The following TEX36 variants were observed in gnomAD, a reference collection of about 807,000 sequenced individuals.
TEX36 encodes testis-expressed protein 36.
In TEX36, 12 loss-of-function variants were observed where a neutral mutation model predicts 13.6. The observed-to-expected ratio is 0.88, with a 90% CI of 0.56 to 1.43. The LOEUF (loss-of-function observed/expected upper bound fraction) is 1.43, where lower values mean the gene tolerates loss of function less well. Among genes scored for constraint, TEX36 ranks in the 40% most tolerant of loss-of-function variants. The pLI is 0.00. For synonymous variants in TEX36, 93 were observed against 83.0 expected (o/e 1.12, Z -0.65); for missense variants, 224 against 228.3 (o/e 0.98, Z 0.12).
chr10:125,617,718 C>T (rs1267420701), downstream of TEX36, among the ~76,000 whole-genome samples: 1 of 152,164 alleles, frequency 6.6e-6, no homozygotes, highest in African/African-American at 2.4e-5. Context: ...CTGCCCTTAA[C>T]ATTTTTTCCT....
rs1344519622 is a variant in TEX36 at position 125,655,730 on chromosome 10, G to A, written c.*170C>T. On this transcript the variant is annotated 3_prime_UTR_variant, in exon 4 of 4. Transcript: ENST00000368821. ...ATCTGAAAAGTTTATTTACACATGC[G>A]TATGTCATCACAAATTCATTTCACA... The A allele has an allele frequency of 1.9e-5, 25 of 1,320,526 alleles. No homozygotes were observed. The highest frequency in any genetic ancestry group is 2.8e-4 in the Middle Eastern group (1 of 3,520). 81.8% of individuals were successfully genotyped at this position (1,320,526 alleles called of 1,614,324 possible). A position where few individuals can be genotyped will look rare whatever the true frequency, so the allele number is the denominator to read the frequency against.
intron 3 of TEX36, among the ~76,000 whole-genome samples, chr10:125,633,763 C>G (rs1182119242): frequency 1.9e-4 from 29 of 152,134 alleles, no homozygotes; most frequent in Admixed American, 1.9e-3. Context: ...TTTCTAAGCC[C>G]CATCGACATC....
chr10:125,620,130 C>G (rs1414911623), downstream of TEX36, among the ~76,000 whole-genome samples: 1 of 152,084 alleles, frequency 6.6e-6, no homozygotes, highest in Non-Finnish European at 1.5e-5. Flanking sequence ...TTGTCAGTCC[C>G]CTAGGATTTG....
At chr10:125,637,092 A>C (rs1022954194) in intron 3 of TEX36, among the ~76,000 whole-genome samples, 3 of 152,082 alleles carry the variant, frequency 2.0e-5, no homozygotes, top group African/African-American at 7.2e-5. Flanking sequence ...ACTTGAGCCC[A>C]GGAATTTGAG....
intron 3 of TEX36, among the ~76,000 whole-genome samples, chr10:125,578,779 G>A (rs1304615131): frequency 1.3e-5 from 2 of 152,122 alleles, no homozygotes; most frequent in Non-Finnish European, 2.9e-5. Context: ...AGGAGTGAGA[G>A]CAACCTCTCA....
intron 3 of TEX36, among the ~76,000 whole-genome samples, chr10:125,616,010 G>A (rs1243918135): frequency 6.6e-6 from 1 of 152,074 alleles, no homozygotes; most frequent in Non-Finnish European, 1.5e-5. Flanking sequence ...GTTTAGTCTT[G>A]GGAAAGTGTA....
intron 3 of TEX36, among the ~76,000 whole-genome samples, chr10:125,583,574 A>T (rs534933916): frequency 6.6e-6 from 1 of 152,320 alleles, no homozygotes; most frequent in African/African-American, 2.4e-5. Context: ...ACTTCTCAAT[A>T]CTATCATACT....
At chr10:125,661,783 A>G in intron 2 of TEX36, 63 bp downstream of exon 2, 1 of 1,534,558 alleles carries the variant, frequency 6.5e-7, no homozygotes, top group Non-Finnish European at 8.8e-7. Flanking sequence ...CCAACGTGCC[A>G]GCGGCGCTGC....
chr10:125,635,030 A>G (rs958594937), intron 3 of TEX36, among the ~76,000 whole-genome samples: 1 of 152,296 alleles, frequency 6.6e-6, no homozygotes, highest in South Asian at 2.1e-4. Flanking sequence ...CAAGGCAGGG[A>G]AAGGGATTAA....
At chr10:125,587,989 AT>A (rs1845978371) in intron 3 of TEX36, among the ~76,000 whole-genome samples, 1 of 152,150 alleles carries the variant, frequency 6.6e-6, no homozygotes, top group African/African-American at 2.4e-5. Flanking sequence ...TAGATTCTCC[AT>A]CTGGTGTGGA....
chr10:125,589,045 A>G (rs952414690), intron 3 of TEX36, among the ~76,000 whole-genome samples: 1 of 152,240 alleles, frequency 6.6e-6, no homozygotes, highest in Non-Finnish European at 1.5e-5. Flanking sequence ...CGCTGGGGGT[A>G]CCTTTCAACA....
Position 125,608,034 on chromosome 10 carries a change from C to T in TEX36, c.265-31160G>A, listed in dbSNP as rs752565942. 9.9e-5 allele frequency among the ~76,000 whole-genome samples: 15 copies of T among 152,280 alleles called. No individual in the cohort carries two copies. The East Asian group carries it at 1.2e-3, about 12-fold the overall frequency. On this transcript the variant is annotated intron_variant, in intron 3 of 3. Coordinates refer to the TEX36 transcript ENST00000532135. ...GCTGTGCCAGTCATAGGAGCAGCTA[C>T]GGTCAACGAGTCACACAGATCTGGC...
At chr10:125,576,851 T>C in exon 4 of TEX36, 1 of 1,536,126 alleles carries the variant, frequency 6.5e-7, no homozygotes, top group South Asian at 1.2e-5. Flanking sequence ...GTTCTCCCTG[T>C]GGGTCCGTTG....
chr10:125,607,243 T>C (rs553276148), intron 3 of TEX36, among the ~76,000 whole-genome samples: 166 of 152,300 alleles, frequency 1.1e-3, no homozygotes, highest in Non-Finnish European at 1.9e-3. Context: ...AAGCATAAAG[T>C]CATTGCAGGA....
At chr10:125,637,350 T>C (rs1227180068) in intron 3 of TEX36, among the ~76,000 whole-genome samples, 2 of 152,098 alleles carry the variant, frequency 1.3e-5, no homozygotes. Flanking sequence ...TGTCTTCTTA[T>C]GTGTCTGACA....
chr10:125,579,811 A>G (rs1001644823), intron 3 of TEX36, among the ~76,000 whole-genome samples: 1 of 151,860 alleles, frequency 6.6e-6, no homozygotes, highest in African/African-American at 2.4e-5. Flanking sequence ...ACATTCCACC[A>G]TGATTGTAAG....
chr10:125,658,998 T>C (rs922940159), intron 3 of TEX36, among the ~76,000 whole-genome samples: 4 of 152,244 alleles, frequency 2.6e-5, no homozygotes, highest in Middle Eastern at 3.4e-3. Context: ...AGAGATGTTA[T>C]ACCGTACATT....
chr10:125,676,495 A>G (rs1191096318), intron 1 of TEX36, among the ~76,000 whole-genome samples: 1 of 151,224 alleles, frequency 6.6e-6, no homozygotes, highest in Non-Finnish European at 1.5e-5. Flanking sequence ...CAGTCTATCT[A>G]TATGTCTTTA....
intron 3 of TEX36, among the ~76,000 whole-genome samples, chr10:125,629,646 A>G (rs1477304504): frequency 6.6e-6 from 1 of 152,102 alleles, no homozygotes; most frequent in Non-Finnish European, 1.5e-5. Flanking sequence ...TTTTCATGAC[A>G]AGAATATATT....
Sources: gnomAD v4.1 joint callset for allele counts (sites outside exome capture counted in the v4.1 genomes callset) on GRCh38, gnomAD v4.1.1 for gene constraint, MANE v1.5 for transcripts, NCBI Gene and HGNC (gene_info 2026-07-23, HGNC 2026-07-21) for gene names.